NLRC4: variants seen among roughly 807,000 people sequenced by gnomAD.
NLRC4 encodes the protein NLR family CARD domain containing 4.
Under a neutral mutation model 79.9 loss-of-function variants are expected in NLRC4, and 63 were observed. The ratio of observed to expected loss-of-function variants is 0.79; its 90% CI spans 0.64 to 0.97. The LOEUF is 0.97. Ranked by LOEUF, NLRC4 falls within the 50% of genes least tolerant of loss-of-function variation. The pLI is 0.00. For synonymous variants in NLRC4, 461 were observed against 456.5 expected, an observed-to-expected ratio of 1.01 and a Z score of -0.12; for missense variants, 1,074 against 1,215.2, an observed-to-expected ratio of 0.88 and a Z score of 1.73.
chr2:32,228,778 T>C (rs994193643), intron 8 of NLRC4, among the ~76,000 whole-genome samples: 5 of 151,968 alleles, frequency 3.3e-5, no homozygotes, highest in Non-Finnish European at 4.4e-5. Flanking sequence ...TTTTTTTTTT[T>C]CTTTTTTTGA....
chr2:32,234,542 C>T (rs143855169), intron 8 of NLRC4, among the ~76,000 whole-genome samples: 4 of 152,182 alleles, frequency 2.6e-5, no homozygotes, highest in Non-Finnish European at 4.4e-5. Context: ...ACCTGATGAG[C>T]CTGACCTCCT....
intron 4 of NLRC4, 105 bp from the exon 5 acceptor site, chr2:32,241,230 C>G: frequency 1.4e-6 from 1 of 708,240 alleles, no homozygotes; most frequent in Non-Finnish European, 2.4e-6. Context: ...TTTTAATGAT[C>G]ATCATGAGCC....
At position 32,249,893 on chromosome 2, in the gene NLRC4, C is replaced by G. The variant is rs1687025951; in HGVS notation, c.1971G>C (p.Gln657His). The G allele has an allele frequency of 1.9e-6, 3 of 1,614,086 alleles. No individual in the cohort carries two copies. Among genetic ancestry groups the G allele is most frequent in the Non-Finnish European group, 8.5e-7 (1 of 1,180,044 alleles). ...RAVSLFFNWK[Q>H]EFRTLEVTLR... ...GTGTGACCTCCAGAGTCCTGAATTC[C>G]TGCTTCCAGTTGAAGAACAAAGATA... Residue 657 changes from glutamine to histidine, a missense_variant, in exon 4 of 9, where the codon CAG becomes CAC. Gln to His is a conservative substitution (Grantham distance 24). Transcript: ENST00000402280.
chr2:32,253,514 G>A (rs936591573), intron 2 of NLRC4, among the ~76,000 whole-genome samples: 7 of 152,258 alleles, frequency 4.6e-5, no homozygotes, highest in African/African-American at 1.4e-4. Flanking sequence ...GAAGAAGTAA[G>A]GTGAGTTATC....
chr2:32,235,787 C>T (rs969459558), intron 7 of NLRC4, among the ~76,000 whole-genome samples: 13 of 152,112 alleles, frequency 8.5e-5, no homozygotes, highest in African/African-American at 3.1e-4. Context: ...ACTAATAAGA[C>T]ACCTTCAAAA....
Position 32,250,962 on chromosome 2 carries a change from G to C in NLRC4, c.902C>G (p.Thr301Arg). 1 of 1,614,192 alleles carries C rather than the reference G, an allele frequency of 6.2e-7. No homozygotes were observed. The highest frequency in any genetic ancestry group is 8.5e-7 in the Non-Finnish European group (1 of 1,180,046). The change falls in exon 4 of 9, where the codon ACA becomes AGA. Residue 301 changes from threonine (T) to arginine (R), a missense_variant. Thr to Arg is a moderately conservative substitution (Grantham distance 71). Coordinates refer to ENST00000402280, the MANE Select transcript of NLRC4 (RefSeq NM_001199138.2). This position sits in a 1 kb window ranked among gnomAD's most constrained non-coding sequence, Gnocchi z 4.9. ...GATGAGAGCCTGGGCGCTGTCTTCT[G>C]TCATATCCCCCACCTCAGCAGTCAG... Reference protein sequence around the residue: ...GALTAEVGDMTEDSAQALIRE... With the variant: ...GALTAEVGDMREDSAQALIRE...
In NLRC4 at chr2:32,252,411, ATACT is replaced by A. The variant is rs1440987399; in HGVS notation, c.262+4_262+7del. On this transcript the variant is annotated splice_donor_5th_base_variant and intron_variant, in intron 3 of 8. Coordinates refer to ENST00000402280, the MANE Select transcript of NLRC4 (RefSeq NM_001199138.2). The stretch of plus-strand genomic sequence containing the variant: ...GCAGAAACAGATGCAAAACTAACTG[ATACT>A]TACTTTGTCCATTCAAGTCCTGAAA... 4 of 1,596,010 alleles carry A rather than the reference ATACT, an allele frequency of 2.5e-6. No individual in the cohort carries two copies. The highest frequency in any genetic ancestry group is 1.1e-5 in the South Asian group (1 of 90,716).
At chr2:32,236,595 A>C (rs1414999089) in intron 6 of NLRC4, among the ~76,000 whole-genome samples, 3 of 152,198 alleles carry the variant, frequency 2.0e-5, no homozygotes, top group Non-Finnish European at 4.4e-5. Flanking sequence ...GTAGAACCTA[A>C]AGCAGCATGG....
At position 32,249,882 on chromosome 2, in the gene NLRC4, G is replaced by A; in HGVS notation, c.1982C>T (p.Thr661Ile). ...LFFNWKQEFR[T>I]LEVTLRDFSK... ...GAAATCCCGGAGTGTGACCTCCAGA[G>A]TCCTGAATTCCTGCTTCCAGTTGAA... Residue 661 changes from threonine to isoleucine, a missense_variant, in exon 4 of 9, where the codon ACT becomes ATT. By Grantham distance (89) the Thr-to-Ile change is moderately conservative (BLOSUM62 -1). Transcript: ENST00000402280. 18 of 1,614,210 alleles carry A rather than the reference G, an allele frequency of 1.1e-5. No individual in the cohort carries two copies. Among genetic ancestry groups the A allele is most frequent in the Non-Finnish European group, 1.4e-5 (17 of 1,180,044 alleles).
In NLRC4 at chr2:32,238,205, T is replaced by TTG. The variant is rs1169647104; in HGVS notation, c.2447_2448insCA (p.Ser817LysfsTer12). The TTG allele has an allele frequency of 6.2e-7, 1 of 1,613,874 alleles. No homozygotes were observed. The highest frequency in any genetic ancestry group is 1.7e-5 in the Admixed American group (1 of 59,980). On this transcript the variant is annotated frameshift_variant, in exon 6 of 9. Coordinates refer to ENST00000402280, the MANE Select transcript of NLRC4 (RefSeq NM_001199138.2). LOFTEE classifies it high-confidence loss of function. ...TTTCTTCAAGGTCACAGGGTTCACTTGACAGAGACTTGACTATGTAATCCA... is the reference window on the plus strand; with the variant it reads ...TTTCTTCAAGGTCACAGGGTTCACTTTGGACAGAGACTTGACTATGTAATCCA...
At chr2:32,249,559 TA>T (rs1246687478) in intron 4 of NLRC4, 47 bp downstream of exon 4, 9 of 1,403,652 alleles carry the variant, frequency 6.4e-6, no homozygotes, top group African/African-American at 2.9e-5. Context: ...TATACACTGT[TA>T]TTTTTTTTTA....
In NLRC4 at chr2:32,232,106, T is replaced by C. The variant is rs138955188; in HGVS notation, c.2782+3295A>G. Among the ~76,000 whole-genome samples, 1,007 of 152,296 alleles carry C rather than the reference T, an allele frequency of 6.6e-3. 14 individuals are homozygous for C. Among genetic ancestry groups the C allele is most frequent in the African/African-American group, 0.023 (947 of 41,570 alleles). ...TATGGATCTTTGGGGAGGAATATCATAGAGGTAAAGTACTATTTTCGTCAT... is the reference window on the plus strand; with the variant it reads ...TATGGATCTTTGGGGAGGAATATCACAGAGGTAAAGTACTATTTTCGTCAT... On this transcript the variant is annotated intron_variant, in intron 8 of 8. Coordinates refer to ENST00000402280, the MANE Select transcript of NLRC4 (RefSeq NM_001199138.2).
chr2:32,233,282 T>C (rs1332615866), intron 8 of NLRC4, among the ~76,000 whole-genome samples: 1 of 146,650 alleles, frequency 6.8e-6, no homozygotes, highest in Non-Finnish European at 1.5e-5. Flanking sequence ...GGTTTCAGTA[T>C]GTTGTGTTTC....
chr2:32,238,175 T>C lies in NLRC4; in HGVS notation c.2478A>G (p.Gln826=), dbSNP rs140366142. ...TTGCAGACAAGCAGCAGGAGACTAA[T>C]TGAATTTCTTCAAGGTCACAGGGTT... ...SSEPCDLEEI[Q]LVSCCLSANA... The change falls in exon 6 of 9, where the codon CAA becomes CAG. Residue 826 remains glutamine, a synonymous_variant. Transcript: ENST00000402280. 11 of 1,613,732 alleles carry C rather than the reference T, an allele frequency of 6.8e-6. No homozygotes were observed. The highest frequency in any genetic ancestry group is 4.5e-5 in the East Asian group (2 of 44,870).
chr2:32,243,076 ATAGAG>A (rs1385006888), intron 4 of NLRC4, among the ~76,000 whole-genome samples: 1 of 149,722 alleles, frequency 6.7e-6, no homozygotes, highest in East Asian at 2.0e-4. Context: ...GAGAGAGAGA[ATAGAG>A]AAAGAAAGGA....
chr2:32,249,603 A>G lies in NLRC4; in HGVS notation c.2257+4T>C. On this transcript the variant is annotated splice_donor_region_variant and intron_variant, in intron 4 of 8. Coordinates refer to ENST00000402280, the MANE Select transcript of NLRC4 (RefSeq NM_001199138.2). ...AAAGCACAAACCACTGATATTTACAATACCCGGCAGCCGTTGATTCTGTAG... is the reference window on the plus strand; with the variant it reads ...AAAGCACAAACCACTGATATTTACAGTACCCGGCAGCCGTTGATTCTGTAG... 2 of 1,566,342 alleles carry G rather than the reference A, an allele frequency of 1.3e-6. No homozygotes were observed. Among genetic ancestry groups the G allele is most frequent in the Non-Finnish European group, 8.6e-7 (1 of 1,157,802 alleles).
intron 2 of NLRC4, among the ~76,000 whole-genome samples, chr2:32,255,412 C>T (rs1288357556): frequency 2.0e-5 from 3 of 150,606 alleles, no homozygotes; most frequent in African/African-American, 7.3e-5. Context: ...CCCAGCTACT[C>T]GGGAGGCTGA....
chr2:32,261,316 C>CCCTTTTTTTT lies in NLRC4; in HGVS notation c.-119+3421_-119+3422insAAAAAAAAGG. Among the ~76,000 whole-genome samples, 30 of 96,874 alleles carry CCCTTTTTTTT rather than the reference C, an allele frequency of 3.1e-4. 1 individual carries two copies. The highest frequency in any genetic ancestry group is 4.8e-4 in the Admixed American group (4 of 8,322). The allele number at this position is 96,874 out of a possible 152,430, so 63.6% of individuals were successfully genotyped here. The stretch of plus-strand genomic sequence containing the variant: ...TTCTTTCGCCTATTAAGCCTCCCCC[C>CCCTTTTTTTT]TTTTGTTTTTTTTTGAGATGGAGCC... On this transcript the variant is annotated intron_variant, in intron 1 of 8. Coordinates refer to ENST00000402280, the MANE Select transcript of NLRC4 (RefSeq NM_001199138.2).
chr2:32,251,434 G>A lies in NLRC4; in HGVS notation c.430C>T (p.Gln144Ter). 1 of 1,614,058 alleles carries A rather than the reference G, an allele frequency of 6.2e-7. No homozygotes were observed. Among genetic ancestry groups the A allele is most frequent in the Non-Finnish European group, 8.5e-7 (1 of 1,180,024 alleles). Residue 144 changes from glutamine to a stop codon, truncating the protein, a stop_gained, in exon 4 of 9, where the codon CAA becomes TAA. Transcript: ENST00000402280. LOFTEE classifies it high-confidence loss of function. ...FTEPVLWRKD[Q>*]HHHRVEQLTL... Reference sequence around the variant, plus strand: ...AGCTGCTCCACGCGGTGATGGTGTTGGTCCTTCCTCCACAGGACAGGTTCT... The same window carrying A: ...AGCTGCTCCACGCGGTGATGGTGTTAGTCCTTCCTCCACAGGACAGGTTCT...
Sources: gnomAD v4.1 joint callset for allele counts (sites outside exome capture counted in the v4.1 genomes callset) on GRCh38, gnomAD v4.1.1 for gene constraint, Gnocchi (gnomAD v3.1) non-coding constraint, MANE v1.5 for transcripts, NCBI Gene and HGNC (gene_info 2026-07-23, HGNC 2026-07-21) for gene names.